ACSM1: variants seen among roughly 807,000 people sequenced by gnomAD.
ACSM1 encodes the protein acyl-coenzyme A synthetase ACSM1, mitochondrial.
Under a neutral mutation model 75.8 loss-of-function variants are expected in ACSM1, and 79 were observed. The ratio of observed to expected loss-of-function variants is 1.04; its 90% CI spans 0.87 to 1.26. The LOEUF (loss-of-function observed/expected upper bound fraction) is 1.26. Among genes scored for constraint, ACSM1 ranks in the 50% most tolerant of loss-of-function variants. The pLI is 0.00. For synonymous variants in ACSM1, 279 were observed against 265.8 expected (o/e 1.05, Z -0.48); for missense variants, 676 against 720.1 (o/e 0.94, Z 0.70).
At position 20,640,538 on chromosome 16, in the gene ACSM1, C is replaced by A; in HGVS notation, c.1039G>T (p.Val347Leu). 1 of 1,614,164 alleles carries A rather than the reference C, an allele frequency of 6.2e-7. No individual in the cohort carries two copies. The highest frequency in any genetic ancestry group is 1.1e-5 in the South Asian group (1 of 91,090). Residue 347 changes from valine to leucine, a missense_variant, in exon 8 of 14, where the codon GTG becomes TTG. Val to Leu is a conservative substitution (Grantham distance 32). Transcript: ENST00000520010. Reference sequence around the variant, plus strand: ...CACTCCTCCTGATCCTTGGGCAACACGACCTCCCCGCCAGTATAGCAGTGC... The same window carrying A: ...CACTCCTCCTGATCCTTGGGCAACAAGACCTCCCCGCCAGTATAGCAGTGC... ...LEHCYTGGEV[V>L]LPKDQEEWKR...
At chr16:20,630,149 C>T (rs755948333) in intron 10 of ACSM1, among the ~76,000 whole-genome samples, 46 of 143,192 alleles carry the variant, frequency 3.2e-4, no homozygotes, top group Non-Finnish European at 5.0e-4. Flanking sequence ...GTCAGAGTTT[C>T]GCTCTTGTTG....
intron 10 of ACSM1, among the ~76,000 whole-genome samples, chr16:20,634,360 T>C (rs1003599193): frequency 2.0e-5 from 3 of 152,152 alleles, no homozygotes; most frequent in African/African-American, 7.2e-5. Flanking sequence ...TCCCAAGAAA[T>C]GGAAGCAGGA....
At chr16:20,666,474 A>G (rs2019571500) in intron 6 of ACSM1, among the ~76,000 whole-genome samples, 1 of 152,220 alleles carries the variant, frequency 6.6e-6, no homozygotes. Context: ...AAGAAATCAG[A>G]GATGACACAA....
chr16:20,636,617 A>G, intron 10 of ACSM1, 122 bp downstream of exon 10: 1 of 714,444 alleles, frequency 1.4e-6, no homozygotes, highest in South Asian at 1.8e-5. Flanking sequence ...TTCGAGTTGA[A>G]TGAAAACTCA....
chr16:20,664,188 G>GC (rs1567286288), intron 6 of ACSM1, among the ~76,000 whole-genome samples: 1 of 26,428 alleles, frequency 3.8e-5, no homozygotes, highest in African/African-American at 1.1e-4. Context: ...TGGTCTAAAT[G>GC]CCCCCTTTAA....
chr16:20,636,667 A>G, intron 10 of ACSM1, 72 bp downstream of exon 10: 1 of 1,074,510 alleles, frequency 9.3e-7, no homozygotes, highest in South Asian at 1.3e-5. Context: ...GAGGACTTGA[A>G]GAAGCCTCAG....
rs546994157 is a variant in ACSM1, at chr16:20,630,764, T to G, written c.1300-3448A>C. 9.7e-4 allele frequency among the ~76,000 whole-genome samples: 147 copies of G among 152,312 alleles called. 1 individual carries two copies. Among genetic ancestry groups the G allele is most frequent in the African/African-American group, 3.4e-3 (141 of 41,560 alleles). On this transcript the variant is annotated intron_variant, in intron 10 of 13. Coordinates refer to ENST00000520010, the MANE Select transcript of ACSM1 (RefSeq NM_001318890.3). The stretch of plus-strand genomic sequence containing the variant: ...ATGGAACATTCTCAAGGATGGACCA[T>G]ATATTAGGCCAGAAGAGAAGTATTA...
In ACSM1 at chr16:20,640,488, G is replaced by C. The variant is rs756921981; in HGVS notation, c.1089C>G (p.Leu363=). The change falls in exon 8 of 14, where the codon CTC becomes CTG. Residue 363 remains leucine, a synonymous_variant. Transcript: ENST00000520010. ...EEWKRRTGLL[L]YENYGQSETG... The stretch of plus-strand genomic sequence containing the variant: ...TTTCCGACTGCCCATAGTTCTCGTA[G>C]AGCAGAAGGCCCGTCCGTCTTTTCC... The C allele has an allele frequency of 6.2e-7, 1 of 1,614,138 alleles. No homozygotes were observed. Among genetic ancestry groups the C allele is most frequent in the South Asian group, 1.1e-5 (1 of 91,086 alleles).
intron 4 of ACSM1, chr16:20,674,006 G>C (rs1486408001): frequency 2.5e-6 from 1 of 402,248 alleles, no homozygotes; most frequent in Non-Finnish European, 5.0e-6. Context: ...TAGCAAAACA[G>C]TGACATAAGT....
At chr16:20,638,701 GTA>G (rs1354141586) in intron 8 of ACSM1, among the ~76,000 whole-genome samples, 1 of 152,226 alleles carries the variant, frequency 6.6e-6, no homozygotes, top group Non-Finnish European at 1.5e-5. Context: ...TCTTCAAGCT[GTA>G]ATTGGCAGAG....
chr16:20,682,326 AGG>A lies in ACSM1; in HGVS notation c.539_540del (p.Pro180LeufsTer10), dbSNP rs2152311033. 2 of 1,613,958 alleles carry A rather than the reference AGG, an allele frequency of 1.2e-6. No individual in the cohort carries two copies. The highest frequency in any genetic ancestry group is 1.7e-6 in the Non-Finnish European group (2 of 1,179,964). On this transcript the variant is annotated frameshift_variant, in exon 4 of 14. Coordinates refer to ENST00000520010, the MANE Select transcript of ACSM1 (RefSeq NM_001318890.3). LOFTEE classifies it high-confidence loss of function. ...GACACCAGGAGCTTGGTTTTCAGAG[AGG>A]GGCACTGAGAAGCTATGGAGTCCAC... is the stretch of plus-strand genomic sequence containing the variant. ...SEVDSIASQC[P>X]SLKTKLLVSD...
chr16:20,641,676 CCA>C (rs1363184281), intron 7 of ACSM1, among the ~76,000 whole-genome samples: 1 of 152,206 alleles, frequency 6.6e-6, no homozygotes, highest in Non-Finnish European at 1.5e-5. Flanking sequence ...CCCCCTGGTC[CCA>C]CTTTACTTCT....
At chr16:20,660,756 G>T (rs2019253817) in intron 7 of ACSM1, among the ~76,000 whole-genome samples, 1 of 152,126 alleles carries the variant, frequency 6.6e-6, no homozygotes, top group African/African-American at 2.4e-5. Context: ...TTTTGAACTA[G>T]CCATTTCAAT....
intron 3 of ACSM1, 83 bp downstream of exon 3, chr16:20,685,108 GCT>G (rs1300063427): frequency 6.9e-7 from 1 of 1,441,548 alleles, no homozygotes. Context: ...TCAGTGCCAG[GCT>G]GGGTGCACAG....
intron 4 of ACSM1, among the ~76,000 whole-genome samples, chr16:20,678,958 A>G (rs2152298806): frequency 6.6e-6 from 1 of 152,286 alleles, no homozygotes; most frequent in South Asian, 2.1e-4. Flanking sequence ...TAACTTTAAG[A>G]AGGCAAATGC....
At chr16:20,636,467 G>A (rs1214857932) in intron 10 of ACSM1, among the ~76,000 whole-genome samples, 1 of 152,140 alleles carries the variant, frequency 6.6e-6, no homozygotes, top group African/African-American at 2.4e-5. Flanking sequence ...TTTGAATCCA[G>A]TCAAAGCCTA....
At position 20,669,887 on chromosome 16, in the gene ACSM1, T is replaced by C; in HGVS notation, c.852A>G (p.Thr284=). The C allele has an allele frequency of 1.2e-6, 2 of 1,614,050 alleles. No individual in the cohort carries two copies. Among genetic ancestry groups the C allele is most frequent in the Non-Finnish European group, 1.7e-6 (2 of 1,179,928 alleles). Residue 284 remains threonine (T), a synonymous_variant, in exon 6 of 14, where the codon ACA becomes ACG. Transcript: ENST00000520010. ...ATIWTLVEPW[T]AGCTVFIHHL... Reference sequence around the variant, plus strand: ...GGTGGATAAAGACTGTACAACCCGCTGTCCATGGTTCTACCAGGGTCCAAA... The same window carrying C: ...GGTGGATAAAGACTGTACAACCCGCCGTCCATGGTTCTACCAGGGTCCAAA...
intron 4 of ACSM1, among the ~76,000 whole-genome samples, chr16:20,673,180 A>G (rs920503414): frequency 6.6e-6 from 1 of 151,144 alleles, no homozygotes. Context: ...TTGAGATGGC[A>G]GATAAGATCT....
chr16:20,667,277 A>T (rs1322504839), intron 6 of ACSM1, among the ~76,000 whole-genome samples: 1 of 152,130 alleles, frequency 6.6e-6, no homozygotes, highest in Non-Finnish European at 1.5e-5. Flanking sequence ...TCTAATTAGA[A>T]CTAATATCAG....
Sources: allele counts gnomAD v4.1 joint callset (sites outside exome capture counted in the v4.1 genomes callset), GRCh38; gene constraint gnomAD v4.1.1; transcripts MANE v1.5; gene names NCBI Gene and HGNC (gene_info 2026-07-23, HGNC 2026-07-21).